The following SND1 variants were observed in gnomAD, a reference collection of about 807,000 sequenced individuals.
SND1 encodes staphylococcal nuclease domain-containing protein 1.
A neutral mutation model predicts 121.7 loss-of-function variants in SND1; 38 were observed. That is an observed-to-expected ratio of 0.31 (90% CI 0.24 to 0.41). The LOEUF (loss-of-function observed/expected upper bound fraction) is 0.41. SND1 is among the 10% of genes least tolerant of loss of function. The pLI, the probability that SND1 is intolerant of heterozygous loss-of-function variation, is 1.00. For synonymous variants in SND1, 401 were observed against 447.4 expected (o/e 0.90, Z 1.31); for missense variants, 868 against 1,184.6 (o/e 0.73, Z 3.92).
rs566991987 is a variant in SND1 at position 127,809,026 on chromosome 7, T to C, written c.1242+1453T>C. On this transcript the variant is annotated intron_variant, in intron 11 of 23. Coordinates refer to ENST00000354725, the MANE Select transcript of SND1 (RefSeq NM_014390.4). ...CACCTGGTTTATTTGAATATTGCCT[T>C]AACCCTGATTCTGTTTCATCCCTGG... 1.4e-4 allele frequency among the ~76,000 whole-genome samples: 21 copies of C among 152,340 alleles called. No homozygotes were observed. In the South Asian group the frequency reaches 4.4e-3, roughly 32 times the overall value.
At chr7:128,062,915 C>T (rs977404059) in intron 16 of SND1, among the ~76,000 whole-genome samples, 1 of 152,216 alleles carries the variant, frequency 6.6e-6, no homozygotes, top group African/African-American at 2.4e-5. Context: ...TCGAGACCAG[C>T]ACCTGGCGGG....
At chr7:127,679,891 A>G (rs1045586440) in intron 1 of SND1, among the ~76,000 whole-genome samples, 7 of 152,196 alleles carry the variant, frequency 4.6e-5, no homozygotes, top group Non-Finnish European at 7.3e-5. Flanking sequence ...TGATGTTGCA[A>G]TGAGCATTGG....
chr7:127,798,252 A>G (rs1798061365), intron 10 of SND1, among the ~76,000 whole-genome samples: 1 of 152,142 alleles, frequency 6.6e-6, no homozygotes, highest in Non-Finnish European at 1.5e-5. Flanking sequence ...GCCAGGGGAC[A>G]TTTGTAATCA....
At chr7:127,838,224 G>A (rs1333967413) in intron 11 of SND1, among the ~76,000 whole-genome samples, 1 of 152,108 alleles carries the variant, frequency 6.6e-6, no homozygotes, top group African/African-American at 2.4e-5. Flanking sequence ...TAGAACTGGT[G>A]GAAAAGGTTG....
At chr7:127,896,502 T>G (rs1800122943) in intron 13 of SND1, among the ~76,000 whole-genome samples, 1 of 152,132 alleles carries the variant, frequency 6.6e-6, no homozygotes, top group Admixed American at 6.6e-5. Context: ...CCCTGCAGTC[T>G]AACACATTCT....
intron 1 of SND1, among the ~76,000 whole-genome samples, chr7:127,660,970 G>A (rs917788933): frequency 6.6e-6 from 1 of 152,162 alleles, no homozygotes; most frequent in Non-Finnish European, 1.5e-5. Flanking sequence ...TATTCTGAAA[G>A]AATCAGTTTG....
intron 11 of SND1, among the ~76,000 whole-genome samples, chr7:127,837,919 C>T (rs773592667): frequency 2.4e-4 from 36 of 152,110 alleles, no homozygotes; most frequent in Non-Finnish European, 4.4e-4. Context: ...TAGAAGGGTG[C>T]GACTCCTGGA....
intron 12 of SND1, among the ~76,000 whole-genome samples, chr7:127,850,734 C>T (rs944462316): frequency 3.3e-5 from 5 of 152,152 alleles, no homozygotes; most frequent in Admixed American, 6.5e-5. Context: ...TCATAGGCTG[C>T]TGGGTTAATA....
chr7:127,977,697 G>A (rs113273504), intron 15 of SND1, among the ~76,000 whole-genome samples: 2,340 of 152,274 alleles, frequency 0.015, 22 homozygotes, highest in Middle Eastern at 0.044. Flanking sequence ...GAAAAATCGA[G>A]GGCAGGCACA....
intron 8 of SND1, among the ~76,000 whole-genome samples, chr7:127,706,216 T>A (rs951035658): frequency 2.0e-4 from 4 of 19,538 alleles, no homozygotes; most frequent in Non-Finnish European, 1.3e-3. Context: ...TAAATTAATT[T>A]GATTTTTTTT....
chr7:127,785,076 CCA>C (rs1185003333), intron 10 of SND1, among the ~76,000 whole-genome samples: 1 of 152,126 alleles, frequency 6.6e-6, no homozygotes, highest in African/African-American at 2.4e-5. Flanking sequence ...GGACACAGCA[CCA>C]CACCTTTTCT....
At chr7:127,774,755 T>G (rs896692726) in intron 10 of SND1, among the ~76,000 whole-genome samples, 3 of 152,046 alleles carry the variant, frequency 2.0e-5, no homozygotes, top group African/African-American at 4.8e-5. Flanking sequence ...ATTTTTATAT[T>G]TTTAGTAGAG....
intron 10 of SND1, among the ~76,000 whole-genome samples, chr7:127,779,521 A>G (rs960318164): frequency 2.0e-5 from 3 of 152,224 alleles, no homozygotes; most frequent in Admixed American, 1.3e-4. Context: ...CTAAGCTTCC[A>G]AACATTTCTT....
intron 16 of SND1, among the ~76,000 whole-genome samples, chr7:128,045,649 C>G (rs1314474952): frequency 1.3e-5 from 2 of 152,294 alleles, no homozygotes; most frequent in East Asian, 3.9e-4. Context: ...CTTAAATAAT[C>G]AGATTTATCA....
At chr7:127,905,924 G>T (rs1479600565) in intron 14 of SND1, among the ~76,000 whole-genome samples, 4 of 152,192 alleles carry the variant, frequency 2.6e-5, no homozygotes, top group Non-Finnish European at 5.9e-5. Flanking sequence ...GGCTGCAGGA[G>T]AGATGAATCA....
intron 17 of SND1, among the ~76,000 whole-genome samples, chr7:128,078,548 G>A (rs1284737754): frequency 1.3e-5 from 2 of 152,194 alleles, no homozygotes; most frequent in East Asian, 3.9e-4. Flanking sequence ...CCTAGTGCTG[G>A]GGGCTGAGGG....
chr7:127,855,166 T>A (rs1433908817), intron 12 of SND1, among the ~76,000 whole-genome samples: 1 of 152,116 alleles, frequency 6.6e-6, no homozygotes, highest in Non-Finnish European at 1.5e-5. Context: ...TCACCCATGT[T>A]GGAGTGCTGT....
intron 9 of SND1, among the ~76,000 whole-genome samples, chr7:127,714,355 G>A (rs1013022764): frequency 2.0e-5 from 3 of 152,104 alleles, no homozygotes; most frequent in African/African-American, 7.2e-5. Context: ...CTGTCCATGG[G>A]TACAGTAGAT....
At position 127,902,155 on chromosome 7, in the gene SND1, G is replaced by C. The variant is rs113999485; in HGVS notation, c.1455-2592G>C. Among the ~76,000 whole-genome samples, 893 of 152,274 alleles carry C rather than the reference G, an allele frequency of 5.9e-3. 16 individuals carry two copies. Among genetic ancestry groups the C allele is most frequent in the African/African-American group, 0.02 (851 of 41,562 alleles). On this transcript the variant is annotated intron_variant, in intron 13 of 23. Transcript: ENST00000354725. ...GAGGATCTTTGCTTTCTAACTTACT[G>C]CTCAGGCCCTGTTCTTTTTTTCTCA...
Sources: gnomAD v4.1 joint callset for allele counts (sites outside exome capture counted in the v4.1 genomes callset) on GRCh38, gnomAD v4.1.1 for gene constraint, MANE v1.5 for transcripts, NCBI Gene and HGNC (gene_info 2026-07-23, HGNC 2026-07-21) for gene names.